Variants in DKK3 observed in about 807,000 individuals in gnomAD.
DKK3 encodes dickkopf-related protein 3.
Under a neutral mutation model 33.2 loss-of-function variants are expected in DKK3, and 22 were observed. The observed-to-expected ratio is 0.66, with a 90% CI of 0.47 to 0.95. DKK3 has a LOEUF of 0.95. Among genes scored for constraint, DKK3 ranks in the 40% least tolerant of loss-of-function variants. DKK3 has a pLI of 0.00. For missense variants in DKK3, 398 were observed against 458.4 expected (o/e 0.87, Z 1.20); for synonymous variants, 194 against 188.8 (o/e 1.03, Z -0.23).
intron 3 of DKK3, among the ~76,000 whole-genome samples, chr11:11,990,749 C>A (rs1242735126): frequency 6.6e-6 from 1 of 152,214 alleles, no homozygotes; most frequent in Non-Finnish European, 1.5e-5. Context: ...CCAACATATT[C>A]TTATTTCCAC....
intron 3 of DKK3, among the ~76,000 whole-genome samples, chr11:11,972,561 C>T (rs1426852413): frequency 1.3e-5 from 2 of 152,156 alleles, no homozygotes; most frequent in Non-Finnish European, 2.9e-5. Flanking sequence ...TCCTGAAGAC[C>T]GCTAGCAGTA....
chr11:11,998,658 T>G (rs765961622), intron 3 of DKK3, 38 bp downstream of exon 3: 6 of 1,558,726 alleles, frequency 3.8e-6, no homozygotes, highest in Non-Finnish European at 5.3e-6. Context: ...TGAAAGTGAG[T>G]GTGTCGGGGT....
intron 3 of DKK3, among the ~76,000 whole-genome samples, chr11:11,991,079 G>A (rs192182128): frequency 3.3e-5 from 5 of 152,328 alleles, no homozygotes; most frequent in African/African-American, 9.6e-5. Context: ...GCCCCATGGA[G>A]GGGTCCAGAC....
intron 5 of DKK3, 47 bp downstream of exon 5, chr11:11,966,907 G>A: frequency 6.2e-7 from 1 of 1,601,944 alleles, no homozygotes; most frequent in South Asian, 1.1e-5. Flanking sequence ...CCAGTGTGGT[G>A]GAGCTTGGGA....
At position 12,000,819 on chromosome 11, in the gene DKK3, G is replaced by A. The variant is rs1003546414; in HGVS notation, c.351+1481C>T. Among the ~76,000 whole-genome samples, 10 of 152,178 alleles carry A rather than the reference G, an allele frequency of 6.6e-5. 1 individual carries two copies. In the Middle Eastern group the frequency reaches 0.01, roughly 155 times the overall value. ...CAGGCCTGAGCCATCACGCCTGGCC[G>A]AAGATTGGTGTTCTATGAAGCCCAG... On this transcript the variant is annotated intron_variant, in intron 2 of 6. Coordinates refer to ENST00000683431, the MANE Select transcript of DKK3 (RefSeq NM_001018057.2).
At chr11:11,988,435 C>G (rs1848115950) in intron 3 of DKK3, among the ~76,000 whole-genome samples, 1 of 152,232 alleles carries the variant, frequency 6.6e-6, no homozygotes, top group East Asian at 1.9e-4. Flanking sequence ...GACCCACTTC[C>G]CTTCCACTGC....
intron 5 of DKK3, among the ~76,000 whole-genome samples, chr11:11,966,243 G>A (rs550901421): frequency 3.3e-5 from 5 of 152,318 alleles, no homozygotes; most frequent in Non-Finnish European, 4.4e-5. Flanking sequence ...GGGAGGCAAA[G>A]GCATTCAGGC....
At chr11:12,006,237 T>G (rs536706277) in intron 1 of DKK3, among the ~76,000 whole-genome samples, 1 of 152,318 alleles carries the variant, frequency 6.6e-6, no homozygotes, top group African/African-American at 2.4e-5. Flanking sequence ...AATTGTTCCA[T>G]GTCATGATAG....
At position 12,008,445 on chromosome 11, in the gene DKK3, G is replaced by A. The variant is rs774899486; in HGVS notation, c.138C>T (p.Thr46=). ...CAACCTCGCGGAACATCTCATTGAGGGTGGCCTCCTCCTGCGGGTAGCTGA... is the reference window on the plus strand; with the variant it reads ...CAACCTCGCGGAACATCTCATTGAGAGTGGCCTCCTCCTGCGGGTAGCTGA... ...PALSYPQEEA[T]LNEMFREVEE... The change falls in exon 1 of 7, where the codon ACC becomes ACT. Residue 46 remains threonine (T), a synonymous_variant. Coordinates refer to ENST00000683431, the MANE Select transcript of DKK3 (RefSeq NM_001018057.2). The surrounding 1 kb of genome is among the most constrained non-coding windows in gnomAD (Gnocchi z 4.6). 4 of 1,611,144 alleles carry A rather than the reference G, an allele frequency of 2.5e-6. No homozygotes were observed. The highest frequency in any genetic ancestry group is 3.4e-6 in the Non-Finnish European group (4 of 1,179,610).
At chr11:11,998,381 C>T (rs888895692) in intron 3 of DKK3, 2 of 450,816 alleles carry the variant, frequency 4.4e-6, no homozygotes, top group Non-Finnish European at 8.0e-6. Flanking sequence ...CCTGATATAC[C>T]AGGTCTGTCA....
intron 3 of DKK3, among the ~76,000 whole-genome samples, chr11:11,979,231 T>A (rs7395522): frequency 8.5e-5 from 13 of 152,136 alleles, no homozygotes; most frequent in Admixed American, 2.6e-4. Context: ...GGAGGCTGGG[T>A]GGGGAAGCCT....
intron 3 of DKK3, among the ~76,000 whole-genome samples, chr11:11,996,780 G>A (rs187423254): frequency 1.5e-3 from 226 of 152,322 alleles, no homozygotes; most frequent in Middle Eastern, 0.01. Flanking sequence ...TGTCATATAT[G>A]GGGGTTCGGA....
At chr11:11,999,298 T>C (rs1396826912) in intron 2 of DKK3, among the ~76,000 whole-genome samples, 1 of 152,224 alleles carries the variant, frequency 6.6e-6, no homozygotes, top group Non-Finnish European at 1.5e-5. Context: ...CTGTATCTGT[T>C]GTCTGCCTCT....
At chr11:11,980,810 A>G (rs1847938887) in intron 3 of DKK3, among the ~76,000 whole-genome samples, 1 of 152,166 alleles carries the variant, frequency 6.6e-6, no homozygotes, top group Non-Finnish European at 1.5e-5. Context: ...GAAAGGCAAG[A>G]TTCAGATGGG....
In DKK3 at chr11:11,967,118, G is replaced by A. The variant is rs377107381; in HGVS notation, c.529-20C>T. On this transcript the variant is annotated intron_variant, in intron 4 of 6. Transcript: ENST00000683431. ...GCAGAGCTGCAGACAGGTGGAAAGA[G>A]CCTAGAGCCAGCGGCTTAGGGACTG... 15 of 1,610,968 alleles carry A rather than the reference G, an allele frequency of 9.3e-6. No individual in the cohort carries two copies. In the African/African-American group the frequency reaches 1.9e-4, roughly 20 times the overall value.
In DKK3 at chr11:11,998,883, C is replaced by T; in HGVS notation, c.352-104G>A. The T allele has an allele frequency of 9.1e-6, 10 of 1,096,542 alleles. No individual in the cohort carries two copies. The South Asian group carries it at 1.3e-4, about 14-fold the overall frequency. The allele number at this position is 1,096,542 out of a possible 1,614,324, so 67.9% of individuals were successfully genotyped here. A position where few individuals can be genotyped will look rare whatever the true frequency, so the allele number is the denominator to read the frequency against. ...TTCCATTTTCTGAAGCAGGAGCATC[C>T]AGTATAGGAGTCGAAATGCCCACCC... is the stretch of plus-strand genomic sequence containing the variant. On this transcript the variant is annotated intron_variant, in intron 2 of 6. Coordinates refer to ENST00000683431, the MANE Select transcript of DKK3 (RefSeq NM_001018057.2).
chr11:12,008,933 G>A (rs1412616287), upstream of DKK3: 1 of 1,039,116 alleles, frequency 9.6e-7, no homozygotes, highest in African/African-American at 1.7e-5. The surrounding 1 kb of genome is among the most constrained non-coding windows in gnomAD (Gnocchi z 4.6). Flanking sequence ...TAGCTCCCAA[G>A]CCCCAGCTCA....
rs1162671925 is a variant in DKK3 at position 11,963,611 on chromosome 11, T to G, written c.*853A>C. The G allele has an allele frequency of 6.6e-6, 1 of 152,230 alleles. No individual in the cohort carries two copies. Among genetic ancestry groups the G allele is most frequent in the African/African-American group, 2.4e-5 (1 of 41,448 alleles). 9.4% of individuals were successfully genotyped at this position (152,230 alleles called of 1,614,324 possible). On this transcript the variant is annotated 3_prime_UTR_variant, in exon 7 of 7. Coordinates refer to ENST00000683431, the MANE Select transcript of DKK3 (RefSeq NM_001018057.2). ...GTTTACTTTTAGAGGGATGTGAGAA[T>G]TAGTTTGACCTTAATTCCAGATGTG...
intron 5 of DKK3, 72 bp downstream of exon 5, chr11:11,966,882 G>A (rs1414525616): frequency 8.3e-6 from 13 of 1,573,450 alleles, no homozygotes; most frequent in African/African-American, 8.1e-5. Flanking sequence ...TGGCATGGAC[G>A]TGGCTCCAGG....
Sources: gnomAD v4.1 joint callset for allele counts (sites outside exome capture counted in the v4.1 genomes callset) on GRCh38, gnomAD v4.1.1 for gene constraint, Gnocchi (gnomAD v3.1) non-coding constraint, MANE v1.5 for transcripts, NCBI Gene and HGNC (gene_info 2026-07-23, HGNC 2026-07-21) for gene names.